Variants in RANBP2 observed in about 807,000 individuals in gnomAD.
The protein encoded by RANBP2 is RAN binding protein 2.
Under a neutral mutation model 303.6 loss-of-function variants are expected in RANBP2, and 57 were observed. The observed-to-expected ratio is 0.19, with a 90% CI of 0.15 to 0.23. The LOEUF is 0.23. Among genes scored for constraint, RANBP2 ranks in the 10% least tolerant of loss-of-function variants. RANBP2 has a pLI of 1.00. For missense variants in RANBP2, 3,138 were observed against 3,780.8 expected (o/e 0.83, Z 4.46); for synonymous variants, 1,167 against 1,301.5 (o/e 0.90, Z 2.23).
the RANBP2 span, among the ~76,000 whole-genome samples, chr2:109,226,487 C>T: frequency 6.6e-6 from 1 of 152,220 alleles, no homozygotes; most frequent in Non-Finnish European, 1.5e-5. Context: ...CCTCTTAAGA[C>T]ATAAACCAAA....
downstream of RANBP2, chr2:108,787,004 C>T: frequency 1.1e-6 from 1 of 877,752 alleles, no homozygotes. Context: ...TGGGGGCGCG[C>T]AGCGGCTCTG....
At chr2:108,842,312 T>G in the RANBP2 span, among the ~76,000 whole-genome samples, 1 of 152,100 alleles carries the variant, frequency 6.6e-6, no homozygotes, top group Non-Finnish European at 1.5e-5. Context: ...TTGTTGGAAT[T>G]ACAGACGTGA....
the RANBP2 span, among the ~76,000 whole-genome samples, chr2:109,541,887 T>C: frequency 6.6e-6 from 1 of 152,214 alleles, no homozygotes; most frequent in South Asian, 2.1e-4. Flanking sequence ...GAGTCATGTG[T>C]GTGTCCCCAT....
the RANBP2 span, among the ~76,000 whole-genome samples, chr2:109,697,485 TA>T: frequency 0.025 from 3,531 of 139,268 alleles, 112 homozygotes; most frequent in African/African-American, 0.077. Flanking sequence ...AACTCTGTCT[TA>T]AAAAAAAAAA....
At chr2:109,160,448 C>T in the RANBP2 span, among the ~76,000 whole-genome samples, 1 of 152,340 alleles carries the variant, frequency 6.6e-6, no homozygotes, top group African/African-American at 2.4e-5. Flanking sequence ...TTTCCAGCAA[C>T]AGGGTGGACA....
the RANBP2 span, among the ~76,000 whole-genome samples, chr2:109,427,249 G>C: frequency 6.6e-6 from 1 of 152,156 alleles, no homozygotes; most frequent in African/African-American, 2.4e-5. Flanking sequence ...GATTACAGGC[G>C]TGAGTCACCG....
chr2:109,010,737 G>A, the RANBP2 span, among the ~76,000 whole-genome samples: 1 of 152,228 alleles, frequency 6.6e-6, no homozygotes, highest in Non-Finnish European at 1.5e-5. Flanking sequence ...CATTTACCAT[G>A]TAAATTCTAT....
chr2:109,139,644 A>G, the RANBP2 span, among the ~76,000 whole-genome samples: 1 of 152,226 alleles, frequency 6.6e-6, no homozygotes, highest in Non-Finnish European at 1.5e-5. Flanking sequence ...ACTTGTGTAC[A>G]GTAACAAGAG....
At chr2:109,105,016 C>T in the RANBP2 span, among the ~76,000 whole-genome samples, 1 of 152,110 alleles carries the variant, frequency 6.6e-6, no homozygotes, top group African/African-American at 2.4e-5. Context: ...AGGAGAGGGT[C>T]CCCCCAACCC....
At chr2:108,932,371 A>AG in the RANBP2 span, among the ~76,000 whole-genome samples, 1 of 151,794 alleles carries the variant, frequency 6.6e-6, no homozygotes, top group Non-Finnish European at 1.5e-5. Flanking sequence ...TACTAAAAAT[A>AG]CAAAAAAATT....
chr2:109,687,445 C>T, the RANBP2 span, among the ~76,000 whole-genome samples: 1 of 152,300 alleles, frequency 6.6e-6, no homozygotes, highest in Non-Finnish European at 1.5e-5. Flanking sequence ...GCCCTGGTTT[C>T]TCTTCTTGGA....
the RANBP2 span, among the ~76,000 whole-genome samples, chr2:109,594,434 T>C: frequency 6.6e-6 from 1 of 152,220 alleles, no homozygotes; most frequent in African/African-American, 2.4e-5. Flanking sequence ...CCTTTGTTTA[T>C]ATAAATGGTA....
At chr2:108,727,544 T>C (rs1694826365) in intron 1 of RANBP2, among the ~76,000 whole-genome samples, 1 of 152,074 alleles carries the variant, frequency 6.6e-6, no homozygotes, top group African/African-American at 2.4e-5. Context: ...AAAAATAAGA[T>C]GTTTGAGTAG....
intron 23 of RANBP2, among the ~76,000 whole-genome samples, chr2:108,773,362 G>A (rs1000620755): frequency 5.3e-5 from 8 of 152,094 alleles, no homozygotes; most frequent in Middle Eastern, 6.8e-3. Flanking sequence ...CAGGTGATGC[G>A]CCTGACCTAG....
chr2:109,375,890 C>T, the RANBP2 span, among the ~76,000 whole-genome samples: 43,753 of 152,228 alleles, frequency 0.29, 7,115 homozygotes, highest in Non-Finnish European at 0.38. Context: ...ATGCGGGCTT[C>T]AGAGCAGACC....
chr2:109,683,187 G>C, the RANBP2 span, among the ~76,000 whole-genome samples: 1 of 152,094 alleles, frequency 6.6e-6, no homozygotes, highest in Non-Finnish European at 1.5e-5. Flanking sequence ...TGTATTTTTA[G>C]TGGAGACAGG....
the RANBP2 span, among the ~76,000 whole-genome samples, chr2:109,183,719 C>G: frequency 2.0e-5 from 3 of 152,244 alleles, no homozygotes; most frequent in Non-Finnish European, 4.4e-5. Context: ...TCAGCACTTT[C>G]CTACATGGAG....
At chr2:109,017,086 A>G in the RANBP2 span, among the ~76,000 whole-genome samples, 6 of 152,208 alleles carry the variant, frequency 3.9e-5, no homozygotes, top group Admixed American at 3.9e-4. Flanking sequence ...TAGTTTCCTC[A>G]ATGTTTTTCT....
the RANBP2 span, among the ~76,000 whole-genome samples, chr2:109,277,615 G>T: frequency 6.6e-6 from 1 of 152,178 alleles, no homozygotes; most frequent in Admixed American, 6.5e-5. Flanking sequence ...CGCGTGCGTA[G>T]CTCAGAACTG....
Sources: gnomAD v4.1 joint callset for allele counts (sites outside exome capture counted in the v4.1 genomes callset) on GRCh38, gnomAD v4.1.1 for gene constraint, MANE v1.5 for transcripts, NCBI Gene and HGNC (gene_info 2026-07-23, HGNC 2026-07-21) for gene names.